MAG: variants seen among roughly 807,000 people sequenced by gnomAD.
The protein encoded by MAG is myelin-associated glycoprotein.
In MAG, 30 loss-of-function variants were observed where a neutral mutation model predicts 60.7. That is an observed-to-expected ratio of 0.49 (90% CI 0.37 to 0.67). The LOEUF (loss-of-function observed/expected upper bound fraction) is 0.67, where lower values mean the gene tolerates loss of function less well. MAG is among the 30% of genes least tolerant of loss of function. MAG has a pLI of 0.00. For missense variants in MAG, 795 were observed against 851.7 expected (o/e 0.93, Z 0.83); for synonymous variants, 384 against 376.8 (o/e 1.02, Z -0.22).
chr19:35,312,635 G>A (rs2066537473), intron 10 of MAG: 5 of 489,946 alleles, frequency 1.0e-5, no homozygotes, highest in East Asian at 3.2e-5. Flanking sequence ...GGGGGGGCAC[G>A]TACCAAACCA....
intron 8 of MAG, 126 bp downstream of exon 8, chr19:35,310,287 C>G (rs1363015782): frequency 7.7e-7 from 1 of 1,301,838 alleles, no homozygotes; most frequent in Non-Finnish European, 1.0e-6. Flanking sequence ...GTCAAATTCT[C>G]CCTTTCCGGT....
rs2066369152 is a variant in MAG, at chr19:35,293,093, A to T, written c.-80+889A>T. Among the ~76,000 whole-genome samples, 1 of 151,646 alleles carries T rather than the reference A, an allele frequency of 6.6e-6. No individual in the cohort carries two copies. Among genetic ancestry groups the T allele is most frequent in the South Asian group, 2.1e-4 (1 of 4,808 alleles). Reference sequence around the variant, plus strand: ...AGTGCATGGTCTACCTGCTTGTTTCATGTCTGCCCGGGCACGTGCTCATCC... The same window carrying T: ...AGTGCATGGTCTACCTGCTTGTTTCTTGTCTGCCCGGGCACGTGCTCATCC... On this transcript the variant is annotated intron_variant, in intron 1 of 10. Transcript: ENST00000392213. This position sits in a 1 kb window ranked among gnomAD's most constrained non-coding sequence, Gnocchi z 4.0.
intron 7 of MAG, 92 bp downstream of exon 7, chr19:35,302,800 T>C: frequency 6.7e-7 from 1 of 1,485,768 alleles, no homozygotes; most frequent in African/African-American, 1.4e-5. Flanking sequence ...CAATCAGTAT[T>C]GGCTTTGCCT....
At position 35,295,994 on chromosome 19, in the gene MAG, C is replaced by T; in HGVS notation, c.415+13C>T. On this transcript the variant is annotated intron_variant, in intron 4 of 10. Transcript: ENST00000392213. The surrounding 1 kb of genome is among the most constrained non-coding windows in gnomAD (Gnocchi z 5.8). ...CTGGATATCGTCAGTGAGTCCCCAG[C>T]GGTTGTGCAGGCACCGGGAGCTGGG... The T allele has an allele frequency of 1.9e-6, 3 of 1,553,228 alleles. No homozygotes were observed. Among genetic ancestry groups the T allele is most frequent in the Non-Finnish European group, 1.7e-6 (2 of 1,147,760 alleles).
At chr19:35,297,603 AACT>A (rs1353888671) in intron 4 of MAG, among the ~76,000 whole-genome samples, 3 of 129,012 alleles carry the variant, frequency 2.3e-5, no homozygotes, top group South Asian at 2.6e-4. Flanking sequence ...ACACCTCATA[AACT>A]ACACACCACA....
intron 7 of MAG, 44 bp from the exon 8 acceptor site, chr19:35,309,830 G>C (rs755963432): frequency 1.3e-6 from 2 of 1,581,804 alleles, no homozygotes; most frequent in East Asian, 4.5e-5. Context: ...GCCGGGCCTC[G>C]CGTTGGCTCC....
intron 7 of MAG, among the ~76,000 whole-genome samples, chr19:35,308,327 G>A (rs73031728): frequency 0.15 from 23,487 of 152,278 alleles, 1,970 homozygotes; most frequent in Non-Finnish European, 0.19. Flanking sequence ...AAAGCTCCAC[G>A]ATTTTCAGAC....
At chr19:35,294,152 C>A in intron 1 of MAG, 83 bp from the exon 2 acceptor site, 2 of 337,196 alleles carry the variant, frequency 5.9e-6, no homozygotes, top group South Asian at 2.2e-5. Flanking sequence ...AGGTCACAAC[C>A]CATGCAGGAG....
rs199740322 is a variant in MAG, at chr19:35,299,733, G to T, written c.595G>T (p.Val199Leu). The T allele has an allele frequency of 1.9e-6, 3 of 1,565,416 alleles. No homozygotes were observed. Among genetic ancestry groups the T allele is most frequent in the Non-Finnish European group, 2.6e-6 (3 of 1,157,260 alleles). ...LREDEGTWVQVSLLHFVPTRE... is the reference protein window; with the variant it reads ...LREDEGTWVQLSLLHFVPTRE... ...GGAGGACGAGGGCACCTGGGTGCAGGTGTCACTGCTGCACTTCGTGCCCAC... is the reference window on the plus strand; with the variant it reads ...GGAGGACGAGGGCACCTGGGTGCAGTTGTCACTGCTGCACTTCGTGCCCAC... The change falls in exon 5 of 11, where the codon GTG (valine) becomes TTG (leucine). Residue 199 changes from valine (V) to leucine (L), a missense_variant. Coordinates refer to ENST00000392213, the MANE Select transcript of MAG (RefSeq NM_002361.4).
intron 4 of MAG, among the ~76,000 whole-genome samples, chr19:35,297,514 A>G (rs1415295562): frequency 1.3e-5 from 2 of 150,612 alleles, no homozygotes; most frequent in Non-Finnish European, 3.0e-5. Flanking sequence ...CACACACCAC[A>G]CACACCACAC....
In MAG at chr19:35,293,067, G is replaced by C. The variant is rs1241784933; in HGVS notation, c.-80+863G>C. Among the ~76,000 whole-genome samples the C allele has an allele frequency of 6.6e-6, 1 of 152,092 alleles. No homozygotes were observed. On this transcript the variant is annotated intron_variant, in intron 1 of 10. Transcript: ENST00000392213. This position sits in a 1 kb window ranked among gnomAD's most constrained non-coding sequence, Gnocchi z 4.0. ...GAGAACTTGTTTTCCCCGCTGTTAA[G>C]AGTGCATGGTCTACCTGCTTGTTTC...
chr19:35,313,317 A>C lies in MAG; in HGVS notation c.1744A>C (p.Arg582=), dbSNP rs1212524427. The part of the protein sequence containing the change: ...ESERRLGSER[R]LLGLRGEPPE... ...CGAGAGGCGCCTGGGATCTGAGAGG[A>C]GGCTGCTGGGCCTTCGGGGTGAGCC... Residue 582 remains arginine (R), a synonymous_variant, in exon 11 of 11, where the codon AGG becomes CGG. Coordinates refer to ENST00000392213, the MANE Select transcript of MAG (RefSeq NM_002361.4). 1 of 1,613,900 alleles carries C rather than the reference A, an allele frequency of 6.2e-7. No individual in the cohort carries two copies. The highest frequency in any genetic ancestry group is 1.1e-5 in the South Asian group (1 of 91,078).
Position 35,313,322 on chromosome 19 carries a change from G to A in MAG, c.1749G>A (p.Leu583=), listed in dbSNP as rs762564752. ...GGCGCCTGGGATCTGAGAGGAGGCTGCTGGGCCTTCGGGGTGAGCCCCCAG... is the reference window on the plus strand; with the variant it reads ...GGCGCCTGGGATCTGAGAGGAGGCTACTGGGCCTTCGGGGTGAGCCCCCAG... The part of the protein sequence containing the change: ...SERRLGSERR[L]LGLRGEPPEL... Residue 583 remains leucine, a synonymous_variant, in exon 11 of 11, where the codon CTG becomes CTA. Transcript: ENST00000392213. 2 of 1,614,070 alleles carry A rather than the reference G, an allele frequency of 1.2e-6. No homozygotes were observed. Among genetic ancestry groups the A allele is most frequent in the Non-Finnish European group, 1.7e-6 (2 of 1,179,978 alleles).
chr19:35,298,549 T>C (rs1428186751), intron 4 of MAG, among the ~76,000 whole-genome samples: 1 of 131,820 alleles, frequency 7.6e-6, no homozygotes, highest in Non-Finnish European at 1.6e-5. Flanking sequence ...TACACACAAA[T>C]TACATGCTAC....
chr19:35,296,813 C>T (rs1202671892), intron 4 of MAG, among the ~76,000 whole-genome samples: 1 of 151,910 alleles, frequency 6.6e-6, no homozygotes, highest in Admixed American at 6.6e-5. Flanking sequence ...ACACTACCCA[C>T]ACACCACACA....
intron 4 of MAG, among the ~76,000 whole-genome samples, chr19:35,297,208 C>T (rs1405218000): frequency 7.2e-6 from 1 of 138,720 alleles, no homozygotes; most frequent in East Asian, 2.1e-4. Flanking sequence ...ACACACACCA[C>T]ACACACCACA....
chr19:35,301,276 G>A (rs1254920243), intron 6 of MAG, among the ~76,000 whole-genome samples: 1 of 152,204 alleles, frequency 6.6e-6, no homozygotes, highest in Non-Finnish European at 1.5e-5. Context: ...TACTGGGCCA[G>A]CAAGAAGGGA....
At position 35,302,528 on chromosome 19, in the gene MAG, A is replaced by T; in HGVS notation, c.1051A>T (p.Ser351Cys). ...ETVSILCSTQ[S>C]NPDPILTIFK... is the part of the protein sequence containing the mutation. ...GGTCTCTATCTTGTGCTCCACACAG[A>T]GCAACCCGGACCCTATTCTCACCAT... Residue 351 changes from serine to cysteine, a missense_variant, in exon 7 of 11, where the codon AGC (serine) becomes TGC (cysteine). Coordinates refer to ENST00000392213, the MANE Select transcript of MAG (RefSeq NM_002361.4). 6.2e-7 allele frequency: 1 copy of T among 1,614,192 alleles called. No homozygotes were observed. The highest frequency in any genetic ancestry group is 2.2e-5 in the East Asian group (1 of 44,874).
intron 7 of MAG, among the ~76,000 whole-genome samples, chr19:35,307,014 A>G (rs1469337444): frequency 6.6e-6 from 1 of 152,256 alleles, no homozygotes; most frequent in African/African-American, 2.4e-5. Flanking sequence ...CTGAAAAGAT[A>G]CTAAGCACGT....
Sources: gnomAD v4.1 joint callset for allele counts (sites outside exome capture counted in the v4.1 genomes callset) on GRCh38, gnomAD v4.1.1 for gene constraint, Gnocchi (gnomAD v3.1) non-coding constraint, MANE v1.5 for transcripts, NCBI Gene and HGNC (gene_info 2026-07-23, HGNC 2026-07-21) for gene names.